The following GJB7 variants were observed in gnomAD, a reference collection of about 807,000 sequenced individuals.
GJB7 encodes the protein gap junction beta-7 protein.
For synonymous variants in GJB7, 87 were observed against 95.2 expected (o/e 0.91, Z 0.50); for missense variants, 253 against 256.8 (o/e 0.99, Z 0.10).
chr6:87,298,102 C>T (rs552017422), intron 2 of GJB7, among the ~76,000 whole-genome samples: 1 of 152,338 alleles, frequency 6.6e-6, no homozygotes, highest in African/African-American at 2.4e-5. Context: ...GGCTCTCCTC[C>T]TATTGGCTAT....
At position 87,284,215 on chromosome 6, in the gene GJB7, A is replaced by AT. The variant is rs1776017354; in HGVS notation, c.*25dup. On this transcript the variant is annotated 3_prime_UTR_variant, in exon 3 of 3. Transcript: ENST00000525899. The stretch of plus-strand genomic sequence containing the variant: ...AGGGGAGGGGTCCCTCTCCTACCAC[A>AT]TTCAACATATCTGAGGCTGTGGCAC... 1 of 1,589,660 alleles carries AT rather than the reference A, an allele frequency of 6.3e-7. No homozygotes were observed. Among genetic ancestry groups the AT allele is most frequent in the African/African-American group, 1.4e-5 (1 of 74,062 alleles).
intron 2 of GJB7, among the ~76,000 whole-genome samples, chr6:87,316,786 C>T (rs993093972): frequency 6.6e-6 from 1 of 152,224 alleles, no homozygotes; most frequent in African/African-American, 2.4e-5. Context: ...CCATCTGTTT[C>T]TCCAGTGTCA....
intron 1 of GJB7, among the ~76,000 whole-genome samples, chr6:87,325,004 T>C (rs937942165): frequency 6.6e-6 from 1 of 152,008 alleles, no homozygotes; most frequent in African/African-American, 2.4e-5. Flanking sequence ...TAAGTTGGAT[T>C]CCTAGGTATT....
intron 2 of GJB7, among the ~76,000 whole-genome samples, chr6:87,319,200 C>T (rs1039939275): frequency 1.3e-5 from 2 of 152,118 alleles, no homozygotes; most frequent in African/African-American, 2.4e-5. Context: ...TTACAAAAGC[C>T]GAATCAGATT....
chr6:87,327,180 T>C (rs923397689), intron 1 of GJB7, among the ~76,000 whole-genome samples: 74 of 150,078 alleles, frequency 4.9e-4, no homozygotes, highest in Middle Eastern at 3.4e-3. Context: ...TGAGATGGGT[T>C]TCCTGAATAC....
At chr6:87,298,238 G>A (rs1196762995) in intron 2 of GJB7, among the ~76,000 whole-genome samples, 1 of 152,236 alleles carries the variant, frequency 6.6e-6, no homozygotes, top group African/African-American at 2.4e-5. Context: ...GGGGATTGTG[G>A]AACCAAGATC....
At chr6:87,300,843 A>T (rs1331293666) in intron 2 of GJB7, among the ~76,000 whole-genome samples, 1 of 152,242 alleles carries the variant, frequency 6.6e-6, no homozygotes, top group Admixed American at 6.5e-5. Flanking sequence ...ATTGTGTACA[A>T]ACTAGGAAAA....
chr6:87,313,377 G>A (rs949656449), intron 2 of GJB7, among the ~76,000 whole-genome samples: 2 of 152,254 alleles, frequency 1.3e-5, no homozygotes, highest in Non-Finnish European at 1.5e-5. Context: ...GCTAATGCAT[G>A]TAAGTAACTC....
intron 2 of GJB7, among the ~76,000 whole-genome samples, chr6:87,312,977 T>C (rs1047072386): frequency 2.6e-5 from 4 of 152,244 alleles, no homozygotes; most frequent in Non-Finnish European, 4.4e-5. Flanking sequence ...CCTGTTACCA[T>C]GTGAGACTGT....
At chr6:87,326,585 G>C (rs1208130811) in intron 1 of GJB7, among the ~76,000 whole-genome samples, 1 of 148,908 alleles carries the variant, frequency 6.7e-6, no homozygotes, top group African/African-American at 2.5e-5. Context: ...TTTTGAGTGA[G>C]ATTCTTAATC....
intron 2 of GJB7, among the ~76,000 whole-genome samples, chr6:87,307,985 T>A (rs1313891462): frequency 1.3e-5 from 2 of 152,178 alleles, no homozygotes; most frequent in East Asian, 1.9e-4. Context: ...CCAAATGTCC[T>A]TCAATGATAG....
intron 2 of GJB7, among the ~76,000 whole-genome samples, chr6:87,294,431 C>T (rs1776221198): frequency 6.6e-6 from 1 of 152,240 alleles, no homozygotes; most frequent in African/African-American, 2.4e-5. Context: ...GTGTTGAATG[C>T]AGATGCCCTA....
At position 87,328,210 on chromosome 6, in the gene GJB7, G is replaced by A. The variant is rs934355338; in HGVS notation, c.-206+928C>T. ...TTGCCTTTGGTTTGAATTTCCTCCCGTAGCTCGGAATAATTTGATCGTGTG... is the reference window on the plus strand; with the variant it reads ...TTGCCTTTGGTTTGAATTTCCTCCCATAGCTCGGAATAATTTGATCGTGTG... On this transcript the variant is annotated intron_variant, in intron 1 of 2. Coordinates refer to ENST00000525899, the MANE Select transcript of GJB7 (RefSeq NM_198568.3). Among the ~76,000 whole-genome samples, 7 of 152,154 alleles carry A rather than the reference G, an allele frequency of 4.6e-5. No homozygotes were observed. In the East Asian group the frequency reaches 7.7e-4, roughly 17 times the overall value.
intron 2 of GJB7, among the ~76,000 whole-genome samples, chr6:87,312,521 A>AC (rs1384589012): frequency 0.016 from 2,364 of 148,028 alleles, 58 homozygotes; most frequent in African/African-American, 0.054. Context: ...CAAAAAAAAA[A>AC]ACAAAAAAAA....
At chr6:87,287,048 C>A (rs1291681092) in intron 2 of GJB7, among the ~76,000 whole-genome samples, 2 of 152,136 alleles carry the variant, frequency 1.3e-5, no homozygotes, top group Non-Finnish European at 2.9e-5. Context: ...AGTAGCCAAC[C>A]CTGTCCCCTA....
intron 2 of GJB7, among the ~76,000 whole-genome samples, chr6:87,301,227 G>C (rs1238195817): frequency 6.6e-6 from 1 of 152,136 alleles, no homozygotes; most frequent in Non-Finnish European, 1.5e-5. Context: ...AAAGCAGGGT[G>C]AGGCATCGCC....
At chr6:87,294,019 C>A (rs1776215582) in intron 2 of GJB7, among the ~76,000 whole-genome samples, 1 of 152,136 alleles carries the variant, frequency 6.6e-6, no homozygotes, top group African/African-American at 2.4e-5. Flanking sequence ...ACACTTTTGA[C>A]AAAGGGATTT....
intron 2 of GJB7, among the ~76,000 whole-genome samples, chr6:87,304,900 T>C (rs1776399092): frequency 6.6e-6 from 1 of 152,186 alleles, no homozygotes; most frequent in Admixed American, 6.5e-5. Flanking sequence ...TAATCCAGCA[T>C]ATAAACAGAA....
rs142725163 is a variant in GJB7 at position 87,309,156 on chromosome 6, C to G, written c.-28+13710G>C. ...ACACGTTGTTGCTGTCACACTGATTCACCTTGTTGGTGTGAAGCAGCAGCT... is the reference window on the plus strand; with the variant it reads ...ACACGTTGTTGCTGTCACACTGATTGACCTTGTTGGTGTGAAGCAGCAGCT... On this transcript the variant is annotated intron_variant, in intron 2 of 2. Transcript: ENST00000525899. 4.6e-5 allele frequency among the ~76,000 whole-genome samples: 7 copies of G among 152,292 alleles called. No individual in the cohort carries two copies. The East Asian group carries it at 1.3e-3, about 29-fold the overall frequency.
Sources: allele counts gnomAD v4.1 joint callset (sites outside exome capture counted in the v4.1 genomes callset), GRCh38; gene constraint gnomAD v4.1.1; transcripts MANE v1.5; gene names NCBI Gene and HGNC (gene_info 2026-07-23, HGNC 2026-07-21).